The following CNTN4 variants were observed in gnomAD, a reference collection of about 807,000 sequenced individuals.
The protein encoded by CNTN4 is contactin 4.
In CNTN4, 77 loss-of-function variants were observed where a neutral mutation model predicts 122.5. That is an observed-to-expected ratio of 0.63 (90% CI 0.52 to 0.76). The LOEUF is 0.76. Among genes scored for constraint, CNTN4 ranks in the 30% least tolerant of loss-of-function variants. The probability of loss-of-function intolerance (pLI) is 0.00; values close to 1 mark genes in which losing one functional copy is unlikely to be tolerated. For synonymous variants in CNTN4, 512 were observed against 447.0 expected (o/e 1.15, Z -1.83); for missense variants, 1,256 against 1,259.1 (o/e 1.00, Z 0.04).
At chr3:2,753,536 A>G (rs1486344613) in intron 6 of CNTN4, among the ~76,000 whole-genome samples, 2 of 152,220 alleles carry the variant, frequency 1.3e-5, no homozygotes, top group South Asian at 2.1e-4. Flanking sequence ...TTCACCAAGG[A>G]TACAGCAGTG....
At chr3:2,534,638 C>T (rs570457071) in intron 3 of CNTN4, among the ~76,000 whole-genome samples, 1 of 151,896 alleles carries the variant, frequency 6.6e-6, no homozygotes, top group Admixed American at 6.6e-5. Context: ...CACTGTTTTC[C>T]AGCTGAGGGC....
chr3:2,494,635 T>C (rs2076406308), intron 3 of CNTN4, among the ~76,000 whole-genome samples: 1 of 152,182 alleles, frequency 6.6e-6, no homozygotes, highest in Non-Finnish European at 1.5e-5. Context: ...GGGAAGGAGA[T>C]TCACTACAGA....
intron 3 of CNTN4, among the ~76,000 whole-genome samples, chr3:2,401,597 TTGATTGAAGACAATC>T (rs1365071755): frequency 1.4e-4 from 22 of 152,290 alleles, no homozygotes; most frequent in African/African-American, 4.8e-4. Context: ...CTCAAATGAC[TTGATTGAAGACAATC>T]TGAGTAATTC....
chr3:2,621,498 G>T (rs906985438), intron 4 of CNTN4, among the ~76,000 whole-genome samples: 2 of 152,026 alleles, frequency 1.3e-5, no homozygotes, highest in Non-Finnish European at 2.9e-5. Flanking sequence ...GGCCTGTCGG[G>T]GGGTGGGGGG....
chr3:2,434,855 G>T (rs1009976404), intron 3 of CNTN4, among the ~76,000 whole-genome samples: 6 of 152,008 alleles, frequency 3.9e-5, no homozygotes, highest in African/African-American at 1.2e-4. Flanking sequence ...AATTCATGTC[G>T]CCAGCGTCCT....
In CNTN4 at chr3:2,753,714, C is replaced by A. The variant is rs758951734; in HGVS notation, c.358+8017C>A. 4.5e-4 allele frequency among the ~76,000 whole-genome samples: 68 copies of A among 152,288 alleles called. 2 individuals are homozygous for A. The highest frequency in any genetic ancestry group is 5.9e-4 in the Admixed American group (9 of 15,296). On this transcript the variant is annotated intron_variant, in intron 6 of 24. Transcript: ENST00000418658. ...TGGTTGGTGAAATGTTTCCTTTGTACACAAACTTGAATTTTTTGTTGCATT... is the reference window on the plus strand; with the variant it reads ...TGGTTGGTGAAATGTTTCCTTTGTAAACAAACTTGAATTTTTTGTTGCATT...
At chr3:2,248,596 C>T (rs11720457) in intron 2 of CNTN4, among the ~76,000 whole-genome samples, 1,844 of 152,064 alleles carry the variant, frequency 0.012, 21 homozygotes, top group Middle Eastern at 0.027. Flanking sequence ...TGGGTAAACA[C>T]GATCAATCAA....
Position 2,816,309 on chromosome 3 carries a change from G to A in CNTN4, c.359-3177G>A, listed in dbSNP as rs561046443. Among the ~76,000 whole-genome samples, 40 of 148,916 alleles carry A rather than the reference G, an allele frequency of 2.7e-4. 6 individuals are homozygous for A. The highest frequency in any genetic ancestry group is 9.6e-4 in the African/African-American group (37 of 38,642). ...GCAGAGCTTGCAATGAGCCGAGATC[G>A]TGGCACTGCACTCCAGCCTGGGCGA... On this transcript the variant is annotated intron_variant, in intron 6 of 24. Transcript: ENST00000418658.
At chr3:2,685,936 T>G (rs983206465) in intron 4 of CNTN4, among the ~76,000 whole-genome samples, 1 of 152,166 alleles carries the variant, frequency 6.6e-6, no homozygotes, top group African/African-American at 2.4e-5. Flanking sequence ...AACCACAGAC[T>G]AAACTGATTT....
At chr3:2,568,317 GAAAAAAAAAAA>G (rs770465722) in intron 3 of CNTN4, among the ~76,000 whole-genome samples, 1 of 71,034 alleles carries the variant, frequency 1.4e-5, no homozygotes, top group Non-Finnish European at 2.6e-5. Context: ...GCAAGAATGT[GAAAAAAAAAAA>G]AAAAAAAAAA....
intron 2 of CNTN4, among the ~76,000 whole-genome samples, chr3:2,130,374 C>G (rs2034393623): frequency 1.3e-5 from 2 of 152,128 alleles, no homozygotes; most frequent in African/African-American, 4.8e-5. Context: ...ATCTGATTCA[C>G]TATGAGTAAG....
chr3:2,204,258 A>C (rs553195319), intron 2 of CNTN4, among the ~76,000 whole-genome samples: 56 of 152,294 alleles, frequency 3.7e-4, no homozygotes, highest in Admixed American at 3.5e-3. Context: ...ATTACTCAGC[A>C]AGAATTGCAT....
intron 3 of CNTN4, among the ~76,000 whole-genome samples, chr3:2,527,274 T>C (rs1238210201): frequency 6.6e-6 from 1 of 152,224 alleles, no homozygotes; most frequent in Non-Finnish European, 1.5e-5. Flanking sequence ...TTCATCTTTT[T>C]ATGTGGATGT....
chr3:2,648,004 T>G (rs2083204064), intron 4 of CNTN4, among the ~76,000 whole-genome samples: 1 of 152,232 alleles, frequency 6.6e-6, no homozygotes, highest in Non-Finnish European at 1.5e-5. Flanking sequence ...AATTGCTATG[T>G]TCTGCTGCAT....
chr3:2,609,754 C>G (rs919621786), intron 4 of CNTN4, among the ~76,000 whole-genome samples: 13 of 152,042 alleles, frequency 8.6e-5, no homozygotes, highest in Non-Finnish European at 1.3e-4. Context: ...ACCAAAGTCA[C>G]CTATAATTAA....
intron 2 of CNTN4, among the ~76,000 whole-genome samples, chr3:2,270,381 G>C (rs1429942268): frequency 6.6e-6 from 1 of 152,108 alleles, no homozygotes; most frequent in African/African-American, 2.4e-5. Flanking sequence ...CCTAGTACCT[G>C]ATAGCCAGTT....
At position 3,034,653 on chromosome 3, in the gene CNTN4, C is replaced by A. The variant is rs773153511; in HGVS notation, c.1805C>A (p.Ala602Asp). The change falls in exon 17 of 25, where the codon GCT (alanine) becomes GAT (aspartate). Residue 602 changes from alanine (A) to aspartate (D), a missense_variant. Physicochemically the swap from Ala to Asp is moderately radical, Grantham distance 126. Coordinates refer to ENST00000418658, the MANE Select transcript of CNTN4 (RefSeq NM_175607.3). The part of the protein sequence containing the change: ...IVRGPPGPPE[A>D]VTIDEITDTT... Reference sequence around the variant, plus strand: ...CCAGGTCCTCCAGGTCCCCCAGAGGCTGTGACAATAGACGAAATCACAGAT... The same window carrying A: ...CCAGGTCCTCCAGGTCCCCCAGAGGATGTGACAATAGACGAAATCACAGAT... The A allele has an allele frequency of 4.9e-5, 79 of 1,614,038 alleles. No individual in the cohort carries two copies. In the Middle Eastern group the frequency reaches 1.2e-3, roughly 24 times the overall value.
At chr3:2,826,261 T>C (rs1325196101) in intron 7 of CNTN4, among the ~76,000 whole-genome samples, 2 of 152,186 alleles carry the variant, frequency 1.3e-5, no homozygotes, top group African/African-American at 4.8e-5. Flanking sequence ...CAGGGGATCC[T>C]CTGGCATCAT....
chr3:2,932,382 A>G (rs901609683), intron 13 of CNTN4, among the ~76,000 whole-genome samples: 2 of 152,176 alleles, frequency 1.3e-5, no homozygotes, highest in Admixed American at 6.5e-5. Context: ...CGTCTCAAAA[A>G]ATAAATAAAA....
Sources: allele counts gnomAD v4.1 joint callset (sites outside exome capture counted in the v4.1 genomes callset), GRCh38; gene constraint gnomAD v4.1.1; transcripts MANE v1.5; gene names NCBI Gene and HGNC (gene_info 2026-07-23, HGNC 2026-07-21).